CDH18: variants seen among roughly 807,000 people sequenced by gnomAD.
The protein encoded by CDH18 is cadherin-18.
A neutral mutation model predicts 67.9 loss-of-function variants in CDH18; 31 were observed. That is an observed-to-expected ratio of 0.46 (90% confidence interval 0.34 to 0.62). The LOEUF (loss-of-function observed/expected upper bound fraction) is 0.62. Ranked by LOEUF, CDH18 falls within the 20% of genes least tolerant of loss-of-function variation. CDH18 has a pLI of 0.01. For missense variants in CDH18, 890 were observed against 975.5 expected (o/e 0.91, Z 1.17); for synonymous variants, 362 against 347.2 (o/e 1.04, Z -0.48).
intron 3 of CDH18, among the ~76,000 whole-genome samples, chr5:19,824,992 T>A (rs1322992653): frequency 2.6e-5 from 4 of 152,136 alleles, no homozygotes; most frequent in African/African-American, 9.7e-5. Context: ...TGCTAGACCT[T>A]TTGACCTAGT....
intron 3 of CDH18, among the ~76,000 whole-genome samples, chr5:19,772,954 C>T (rs1205284949): frequency 6.6e-6 from 1 of 152,088 alleles, no homozygotes; most frequent in Non-Finnish European, 1.5e-5. Flanking sequence ...TATGTCCCTT[C>T]TTAAGTAAAC....
chr5:19,723,577 T>C (rs1344536770), intron 4 of CDH18, among the ~76,000 whole-genome samples: 1 of 152,210 alleles, frequency 6.6e-6, no homozygotes, highest in African/African-American at 2.4e-5. Flanking sequence ...GACAGTAACT[T>C]TGCTGTTTAG....
chr5:20,264,911 G>A (rs1487197011), intron 1 of CDH18, among the ~76,000 whole-genome samples: 2 of 151,870 alleles, frequency 1.3e-5, no homozygotes, highest in African/African-American at 2.4e-5. Context: ...AATCTATTGT[G>A]GTGACTAGTT....
At chr5:20,211,740 G>A (rs980380849) in intron 2 of CDH18, among the ~76,000 whole-genome samples, 2 of 152,060 alleles carry the variant, frequency 1.3e-5, no homozygotes, top group Non-Finnish European at 2.9e-5. Context: ...CAACAAAAAG[G>A]ACATCCACAC....
intron 2 of CDH18, among the ~76,000 whole-genome samples, chr5:19,955,481 T>C (rs569782058): frequency 1.3e-5 from 2 of 152,154 alleles, no homozygotes; most frequent in South Asian, 4.1e-4. Flanking sequence ...CCCTTCCCTG[T>C]ATGAATTTAT....
chr5:20,237,487 A>G (rs953165837), intron 2 of CDH18, among the ~76,000 whole-genome samples: 4 of 152,006 alleles, frequency 2.6e-5, no homozygotes, highest in Non-Finnish European at 5.9e-5. Context: ...AAGATATAAA[A>G]TCAAACACAA....
intron 5 of CDH18, among the ~76,000 whole-genome samples, chr5:19,672,762 T>A (rs1228135907): frequency 6.6e-6 from 1 of 152,064 alleles, no homozygotes; most frequent in East Asian, 1.9e-4. Context: ...GTAAGAAATA[T>A]TCTGTCAATA....
At chr5:20,339,161 C>T (rs1235326991) in intron 1 of CDH18, among the ~76,000 whole-genome samples, 1 of 152,136 alleles carries the variant, frequency 6.6e-6, no homozygotes, top group Non-Finnish European at 1.5e-5. Flanking sequence ...TGGGTAACAT[C>T]TTCAGCCTCC....
chr5:19,591,555 C>A (rs1459199725), intron 6 of CDH18, among the ~76,000 whole-genome samples: 1 of 151,910 alleles, frequency 6.6e-6, no homozygotes, highest in African/African-American at 2.4e-5. Context: ...GATTTTGAAC[C>A]AAAACTGAAT....
chr5:20,194,890 T>C (rs944713798), intron 2 of CDH18, among the ~76,000 whole-genome samples: 1 of 152,104 alleles, frequency 6.6e-6, no homozygotes, highest in African/African-American at 2.4e-5. Flanking sequence ...TGATTTGCTT[T>C]TTCCCTCTAG....
At chr5:20,140,826 C>G (rs555898827) in intron 2 of CDH18, among the ~76,000 whole-genome samples, 1 of 152,096 alleles carries the variant, frequency 6.6e-6, no homozygotes, top group Admixed American at 6.6e-5. Context: ...AATTTTGGTA[C>G]CTTTAACCCT....
intron 9 of CDH18, among the ~76,000 whole-genome samples, chr5:19,536,669 G>T (rs1361085286): frequency 1.3e-5 from 2 of 152,108 alleles, no homozygotes; most frequent in Admixed American, 6.5e-5. Context: ...ATAGGGCAAT[G>T]GTCCTTAAAC....
At chr5:19,937,549 T>C (rs1417225433) in intron 2 of CDH18, among the ~76,000 whole-genome samples, 1 of 151,432 alleles carries the variant, frequency 6.6e-6, no homozygotes, top group East Asian at 1.9e-4. Flanking sequence ...AGCAAACGAA[T>C]GCACACAAAC....
chr5:20,199,317 C>T (rs1161151013), intron 2 of CDH18, among the ~76,000 whole-genome samples: 1 of 152,176 alleles, frequency 6.6e-6, no homozygotes, highest in South Asian at 2.1e-4. Context: ...CTTGCATCAA[C>T]GTGACCTGGA....
rs577738881 is a variant in CDH18, at chr5:20,534,724, T to G, written c.-580+40738A>C. 1.8e-4 allele frequency among the ~76,000 whole-genome samples: 27 copies of G among 152,210 alleles called. No individual in the cohort carries two copies. In the South Asian group the frequency reaches 5.2e-3, roughly 29 times the overall value. On this transcript the variant is annotated intron_variant, in intron 1 of 14. Transcript: ENST00000507958. ...AATTTTTGCACATTGTGCTTTTATT[T>G]TTCTTTGTTTACCAAAAATATATTA... is the stretch of plus-strand genomic sequence containing the variant.
At chr5:19,930,857 A>G (rs1793614993) in intron 2 of CDH18, among the ~76,000 whole-genome samples, 1 of 152,058 alleles carries the variant, frequency 6.6e-6, no homozygotes, top group Admixed American at 6.6e-5. Context: ...AAACTAAATA[A>G]ACCAAAGTCT....
chr5:20,348,761 T>A (rs1740912891), intron 1 of CDH18, among the ~76,000 whole-genome samples: 1 of 152,146 alleles, frequency 6.6e-6, no homozygotes, highest in South Asian at 2.1e-4. Flanking sequence ...TGAAAGTACT[T>A]TTTTAGGGAA....
chr5:19,601,579 G>C (rs1747125383), intron 6 of CDH18, among the ~76,000 whole-genome samples: 1 of 151,764 alleles, frequency 6.6e-6, no homozygotes, highest in African/African-American at 2.4e-5. Context: ...TAAAAAAAGA[G>C]GGAAATTACC....
chr5:20,234,198 C>G (rs148062853), intron 2 of CDH18, among the ~76,000 whole-genome samples: 1 of 152,084 alleles, frequency 6.6e-6, no homozygotes, highest in African/African-American at 2.4e-5. Context: ...AGAGTTAGTT[C>G]AAATAAGCAG....
Sources: gnomAD v4.1 joint callset for allele counts (sites outside exome capture counted in the v4.1 genomes callset) on GRCh38, gnomAD v4.1.1 for gene constraint, MANE v1.5 for transcripts, NCBI Gene and HGNC (gene_info 2026-07-23, HGNC 2026-07-21) for gene names.